Variants in DYNC1H1 observed in about 807,000 individuals in gnomAD.
DYNC1H1 encodes cytoplasmic dynein 1 heavy chain 1.
DYNC1H1 carries 51 observed loss-of-function variants against 527.1 expected under a neutral mutation model. The observed-to-expected ratio is 0.10, with a 90% CI of 0.08 to 0.12. The LOEUF (loss-of-function observed/expected upper bound fraction) is 0.12. DYNC1H1 is among the 10% of genes least tolerant of loss of function. The probability of loss-of-function intolerance (pLI) is 1.00; values close to 1 mark genes in which losing one functional copy is unlikely to be tolerated. For synonymous variants in DYNC1H1, 2,189 were observed against 2,278.8 expected (o/e 0.96, Z 1.12); for missense variants, 2,771 against 5,971.8 (o/e 0.46, Z 17.66).
Position 102,039,215 on chromosome 14 carries a change from C to G in DYNC1H1, c.11421C>G (p.Ala3807=), listed in dbSNP as rs1218037946. ...AGCAGTACCTCCCGCTCTCCACCGCCTGCAGCAGCATCTACTTCACCATGG... is the reference window on the plus strand; with the variant it reads ...AGCAGTACCTCCCGCTCTCCACCGCGTGCAGCAGCATCTACTTCACCATGG... ...VSQQYLPLST[A]CSSIYFTMES... Residue 3807 remains alanine, a synonymous_variant, in exon 60 of 78, where the codon GCC becomes GCG. Transcript: ENST00000360184. This position sits in a 1 kb window ranked among gnomAD's most constrained non-coding sequence, Gnocchi z 7.0. The G allele has an allele frequency of 3.7e-6, 6 of 1,614,062 alleles. No individual in the cohort carries two copies. The highest frequency in any genetic ancestry group is 5.1e-6 in the Non-Finnish European group (6 of 1,180,036).
At chr14:101,975,890 C>G in intron 2 of DYNC1H1, 91 bp downstream of exon 2, 3 of 1,009,236 alleles carry the variant, frequency 3.0e-6, no homozygotes, top group Middle Eastern at 2.8e-4. Flanking sequence ...GAAATTCTTA[C>G]TAAGAGAATT....
In DYNC1H1 at chr14:102,041,895, A is replaced by C; in HGVS notation, c.12103-118A>C. 6.7e-7 allele frequency: 1 copy of C among 1,496,584 alleles called. No homozygotes were observed. The highest frequency in any genetic ancestry group is 1.2e-5 in the South Asian group (1 of 85,546). 92.7% of individuals were successfully genotyped at this position (1,496,584 alleles called of 1,614,324 possible). Reference sequence around the variant, plus strand: ...CTCAACTCCTGGCTGCATGGTGCCCACACCTCTGGGCCCAGAAAGAACATC... The same window carrying C: ...CTCAACTCCTGGCTGCATGGTGCCCCCACCTCTGGGCCCAGAAAGAACATC... On this transcript the variant is annotated intron_variant, in intron 65 of 77. Coordinates refer to ENST00000360184, the MANE Select transcript of DYNC1H1 (RefSeq NM_001376.5). The surrounding 1 kb of genome is among the most constrained non-coding windows in gnomAD (Gnocchi z 4.5).
chr14:102,046,706 C>T (rs2048724089), intron 72 of DYNC1H1, among the ~76,000 whole-genome samples: 1 of 152,166 alleles, frequency 6.6e-6, no homozygotes, highest in Non-Finnish European at 1.5e-5. Flanking sequence ...GGGCTGAAAG[C>T]CGGCCGGGGC....
chr14:102,046,427 G>A lies in DYNC1H1; in HGVS notation c.13007-1390G>A, dbSNP rs377011422. ...CAGAATCAGGAGGGATAAGCCAGGCGAGCTGGGCGGGTCTGGAGGGAAAGC... is the reference window on the plus strand; with the variant it reads ...CAGAATCAGGAGGGATAAGCCAGGCAAGCTGGGCGGGTCTGGAGGGAAAGC... On this transcript the variant is annotated intron_variant, in intron 72 of 77. Coordinates refer to ENST00000360184, the MANE Select transcript of DYNC1H1 (RefSeq NM_001376.5). Among the ~76,000 whole-genome samples, 18 of 151,366 alleles carry A rather than the reference G, an allele frequency of 1.2e-4. No individual in the cohort carries two copies. The East Asian group carries it at 1.7e-3, about 15-fold the overall frequency.
intron 57 of DYNC1H1, chr14:102,037,136 C>T: frequency 5.8e-6 from 1 of 173,876 alleles, no homozygotes. Flanking sequence ...CCATAAAAAG[C>T]AAGAAACAGC....
chr14:102,010,770 G>T lies in DYNC1H1; in HGVS notation c.6436G>T (p.Val2146Leu). The change falls in exon 32 of 78, where the codon GTG becomes TTG. Residue 2146 changes from valine to leucine, a missense_variant. Physicochemically the swap from Val to Leu is conservative, Grantham distance 32 (BLOSUM62 1). Coordinates refer to ENST00000360184, the MANE Select transcript of DYNC1H1 (RefSeq NM_001376.5). This position sits in a 1 kb window ranked among gnomAD's most constrained non-coding sequence, Gnocchi z 6.0. The stretch of plus-strand genomic sequence containing the variant: ...GATACAGAGCGTCTGTGAGACGATG[G>T]TGCCAAAGCTGGTGGCAGAGGACAT... ...ILIQSVCETM[V>L]PKLVAEDIPL... is the part of the protein sequence containing the mutation. 2 of 1,613,440 alleles carry T rather than the reference G, an allele frequency of 1.2e-6. No individual in the cohort carries two copies. Among genetic ancestry groups the T allele is most frequent in the Non-Finnish European group, 1.7e-6 (2 of 1,179,930 alleles).
Position 102,000,318 on chromosome 14 carries a change from C to T in DYNC1H1, c.3993C>T (p.Gly1331=), listed in dbSNP as rs17540957. ...VALEELQDLK[G]VWSELSKVWE... ...TAGAAGAATTACAGGACCTCAAAGG[C>T]GTTTGGTCAGAACTTTCTAAGGTTT... is the stretch of plus-strand genomic sequence containing the variant. Residue 1331 remains glycine, a synonymous_variant, in exon 18 of 78, where the codon GGC becomes GGT. Transcript: ENST00000360184. The T allele has an allele frequency of 2.8e-3, 4,508 of 1,614,126 alleles. 125 individuals carry two copies. In the African/African-American group the frequency reaches 0.054, roughly 19 times the overall value.
chr14:102,017,821 T>C lies in DYNC1H1; in HGVS notation c.8177+317T>C. 1 of 344,540 alleles carries C rather than the reference T, an allele frequency of 2.9e-6. No individual in the cohort carries two copies. The highest frequency in any genetic ancestry group is 2.4e-5 in the South Asian group (1 of 42,288). The allele number at this position is 344,540 out of a possible 1,614,324, so 21.3% of individuals were successfully genotyped here. Reference sequence around the variant, plus strand: ...CTCTACTGAAAATACAAAAACAAAATTAAGGCCGGGCGTGGTGGCTTACGC... The same window carrying C: ...CTCTACTGAAAATACAAAAACAAAACTAAGGCCGGGCGTGGTGGCTTACGC... On this transcript the variant is annotated intron_variant, in intron 40 of 77. Coordinates refer to ENST00000360184, the MANE Select transcript of DYNC1H1 (RefSeq NM_001376.5). The surrounding 1 kb of genome is among the most constrained non-coding windows in gnomAD (Gnocchi z 4.6).
chr14:102,001,320 A>G lies in DYNC1H1; in HGVS notation c.4361A>G (p.Gln1454Arg). 1 of 1,614,218 alleles carries G rather than the reference A, an allele frequency of 6.2e-7. No homozygotes were observed. The highest frequency in any genetic ancestry group is 8.5e-7 in the Non-Finnish European group (1 of 1,180,036). ...AIVKDVLLVA[Q>R]GEMALEEFLK... is the part of the protein sequence containing the mutation. ...GTCAAGGATGTACTGCTTGTGGCAC[A>G]AGGGGAGATGGCTTTGGAAGAATTT... Residue 1454 changes from glutamine (Q) to arginine (R), a missense_variant, in exon 20 of 78, where the codon CAA (glutamine) becomes CGA (arginine). Transcript: ENST00000360184. This position sits in a 1 kb window ranked among gnomAD's most constrained non-coding sequence, Gnocchi z 5.0.
chr14:102,006,219 T>G (rs764557176), intron 27 of DYNC1H1, 49 bp downstream of exon 27: 1 of 1,604,804 alleles, frequency 6.2e-7, no homozygotes, highest in South Asian at 1.1e-5. Flanking sequence ...ATTAAAATGT[T>G]TAAAGATAAA....
rs946085280 is a variant in DYNC1H1, at chr14:102,033,842, G to T, written c.10414-134G>T. ...TATGATCTGGGTCTCATCTCCTCTG[G>T]GACTGTGAACAACTTGGGCACGTTT... On this transcript the variant is annotated intron_variant, in intron 54 of 77. Coordinates refer to ENST00000360184, the MANE Select transcript of DYNC1H1 (RefSeq NM_001376.5). The surrounding 1 kb of genome is among the most constrained non-coding windows in gnomAD (Gnocchi z 5.6). 12 of 923,862 alleles carry T rather than the reference G, an allele frequency of 1.3e-5. No individual in the cohort carries two copies. The highest frequency in any genetic ancestry group is 1.9e-5 in the Non-Finnish European group (11 of 589,050). The allele number at this position is 923,862 out of a possible 1,614,324, so 57.2% of individuals were successfully genotyped here. A position where few individuals can be genotyped will look rare whatever the true frequency, so the allele number is the denominator to read the frequency against.
chr14:102,032,917 AC>A lies in DYNC1H1; in HGVS notation c.10080-146del, dbSNP rs17512692. ...GCACATTTTCAGCTTTCACCTGAGA[AC>A]CAAGGGTCAGTCTAGCTCATCCCCA... is the stretch of plus-strand genomic sequence containing the variant. On this transcript the variant is annotated intron_variant, in intron 52 of 77. Coordinates refer to ENST00000360184, the MANE Select transcript of DYNC1H1 (RefSeq NM_001376.5). 0.057 allele frequency: 45,085 copies of A among 788,478 alleles called. 1,680 individuals carry two copies. The highest frequency in any genetic ancestry group is 0.14 in the African/African-American group (7,885 of 57,516). The allele number at this position is 788,478 out of a possible 1,614,324, so 48.8% of individuals were successfully genotyped here.
At chr14:102,030,403 A>AT in intron 51 of DYNC1H1, 121 bp downstream of exon 51, 1 of 1,465,236 alleles carries the variant, frequency 6.8e-7, no homozygotes, top group Non-Finnish European at 9.4e-7. Context: ...GTTTCCAAAA[A>AT]TATCATTAGT....
chr14:102,007,501 G>A (rs2048210206), intron 28 of DYNC1H1, among the ~76,000 whole-genome samples: 1 of 152,170 alleles, frequency 6.6e-6, no homozygotes, highest in South Asian at 2.1e-4. Flanking sequence ...GAAAGAAGGT[G>A]TTATACTTTA....
In DYNC1H1 at chr14:102,029,761, C is replaced by A. The variant is rs771585364; in HGVS notation, c.9642+49C>A. On this transcript the variant is annotated intron_variant, in intron 49 of 77. Transcript: ENST00000360184. This position sits in a 1 kb window ranked among gnomAD's most constrained non-coding sequence, Gnocchi z 5.3. ...CACGGGAGTGAGCTGCAGTGAGGACCCCTTTCCATATAATTTCTGCATGTT... is the reference window on the plus strand; with the variant it reads ...CACGGGAGTGAGCTGCAGTGAGGACACCTTTCCATATAATTTCTGCATGTT... 2.3e-5 allele frequency: 37 copies of A among 1,614,182 alleles called. No homozygotes were observed. Among genetic ancestry groups the A allele is most frequent in the South Asian group, 3.3e-5 (3 of 91,070 alleles).
At chr14:101,991,812 G>C in intron 11 of DYNC1H1, 139 bp downstream of exon 11, 1 of 1,280,830 alleles carries the variant, frequency 7.8e-7, no homozygotes, top group African/African-American at 1.5e-5. Flanking sequence ...GAAAGTTAGG[G>C]AGGCTTTTTG....
intron 7 of DYNC1H1, among the ~76,000 whole-genome samples, chr14:101,984,523 C>G (rs2047910124): frequency 2.2e-5 from 3 of 133,796 alleles, no homozygotes; most frequent in African/African-American, 8.7e-5. Flanking sequence ...GGCATGATCT[C>G]AGGTCACTGC....
rs186858721 is a variant in DYNC1H1 at position 102,015,984 on chromosome 14, G to A, written c.7371G>A (p.Ser2457=). Reference sequence around the variant, plus strand: ...TAACACGCCTGCGCTGCCTGGGCTCGCTCTTCTCCATGCTGCACCAGGCCT... The same window carrying A: ...TAACACGCCTGCGCTGCCTGGGCTCACTCTTCTCCATGCTGCACCAGGCCT... ...MDLTRLRCLG[S]LFSMLHQACR... is the part of the protein sequence containing the mutation. Residue 2457 remains serine (S), a synonymous_variant, in exon 36 of 78, where the codon TCG becomes TCA. Coordinates refer to ENST00000360184, the MANE Select transcript of DYNC1H1 (RefSeq NM_001376.5). This position sits in a 1 kb window ranked among gnomAD's most constrained non-coding sequence, Gnocchi z 6.9. The A allele has an allele frequency of 9.3e-6, 15 of 1,613,832 alleles. No homozygotes were observed. Among genetic ancestry groups the A allele is most frequent in the Admixed American group, 6.7e-5 (4 of 60,018 alleles).
chr14:102,032,687 A>G, intron 52 of DYNC1H1: 1 of 624,434 alleles, frequency 1.6e-6, no homozygotes, highest in East Asian at 2.9e-5. Flanking sequence ...CCCTGTCTCT[A>G]CAAAAAAATA....
Sources: allele counts gnomAD v4.1 joint callset (sites outside exome capture counted in the v4.1 genomes callset), GRCh38; gene constraint gnomAD v4.1.1; non-coding constraint Gnocchi (gnomAD v3.1); transcripts MANE v1.5; gene names NCBI Gene and HGNC (gene_info 2026-07-23, HGNC 2026-07-21).